Variants in EPHA7 observed in about 807,000 individuals in gnomAD.
The protein encoded by EPHA7 is EPH receptor A7, also known as ephrin type-A receptor 7.
Under a neutral mutation model 112.6 loss-of-function variants are expected in EPHA7, and 25 were observed. The observed-to-expected ratio is 0.22, with a 90% CI of 0.16 to 0.31. The LOEUF (loss-of-function observed/expected upper bound fraction) is 0.31. Among genes scored for constraint, EPHA7 ranks in the 10% least tolerant of loss-of-function variants. EPHA7 has a pLI of 1.00. For synonymous variants in EPHA7, 437 were observed against 406.5 expected (o/e 1.07, Z -0.90); for missense variants, 962 against 1,212.6 (o/e 0.79, Z 3.07).
At chr6:93,249,279 T>A (rs1770100085) in intron 14 of EPHA7, among the ~76,000 whole-genome samples, 1 of 152,190 alleles carries the variant, frequency 6.6e-6, no homozygotes, top group African/African-American at 2.4e-5. Flanking sequence ...ACAGGAGAAA[T>A]TATATTTTTT....
intron 5 of EPHA7, among the ~76,000 whole-genome samples, chr6:93,289,331 A>T (rs1026642244): frequency 1.1e-4 from 17 of 152,300 alleles, no homozygotes; most frequent in African/African-American, 4.1e-4. Context: ...TTTTTTGATA[A>T]TTTTTAATAT....
chr6:93,322,727 A>C (rs1337723354), intron 5 of EPHA7, among the ~76,000 whole-genome samples: 3 of 151,662 alleles, frequency 2.0e-5, no homozygotes, highest in Non-Finnish European at 4.4e-5. Context: ...CATTGTATCA[A>C]ATAGGGATTA....
At chr6:93,343,620 C>T (rs1027434751) in intron 5 of EPHA7, among the ~76,000 whole-genome samples, 15 of 151,648 alleles carry the variant, frequency 9.9e-5, no homozygotes, top group African/African-American at 3.6e-4. Context: ...CAGTTAGTAA[C>T]TTAATCCCAG....
rs1778906726 is a variant in EPHA7, at chr6:93,410,142, T to C, written c.832+359A>G. The C allele has an allele frequency of 5.2e-6, 1 of 192,382 alleles. No homozygotes were observed. The allele number at this position is 192,382 out of a possible 1,614,324, so 11.9% of individuals were successfully genotyped here. A position where few individuals can be genotyped will look rare whatever the true frequency, so the allele number is the denominator to read the frequency against. On this transcript the variant is annotated intron_variant, in intron 3 of 16. Transcript: ENST00000369303. The surrounding 1 kb of genome is among the most constrained non-coding windows in gnomAD (Gnocchi z 4.0). ...AATATGGGTTTAAAAACAGGAGGAA[T>C]GGCATCTCATTAAATCCTGTTAAAT...
intron 5 of EPHA7, among the ~76,000 whole-genome samples, chr6:93,311,204 C>T (rs973789859): frequency 8.3e-5 from 12 of 144,730 alleles, no homozygotes; most frequent in African/African-American, 2.8e-4. Context: ...CTGACATGAT[C>T]CAACAGCCTC....
intron 6 of EPHA7, 123 bp from the exon 7 acceptor site, chr6:93,269,783 G>GA (rs1462311674): frequency 2.5e-5 from 18 of 716,838 alleles, no homozygotes; most frequent in African/African-American, 7.5e-5. Flanking sequence ...GTACTTTGTG[G>GA]AATATTATAA....
At chr6:93,356,481 G>C (rs1223049143) in intron 5 of EPHA7, among the ~76,000 whole-genome samples, 1 of 152,074 alleles carries the variant, frequency 6.6e-6, no homozygotes, top group African/African-American at 2.4e-5. Context: ...GGGATTACAG[G>C]TGTGAGCCAC....
At chr6:93,364,400 T>C (rs1219564233) in intron 3 of EPHA7, among the ~76,000 whole-genome samples, 1 of 151,938 alleles carries the variant, frequency 6.6e-6, no homozygotes, top group Non-Finnish European at 1.5e-5. Context: ...GGCAGGCACC[T>C]GTAACCCCAG....
Position 93,241,310 on chromosome 6 carries a change from A to G in EPHA7, c.*2116T>C, listed in dbSNP as rs1769679153. The G allele has an allele frequency of 4.6e-6, 1 of 219,530 alleles. No homozygotes were observed. Among genetic ancestry groups the G allele is most frequent in the Non-Finnish European group, 9.2e-6 (1 of 109,120 alleles). The allele number at this position is 219,530 out of a possible 1,614,324, so 13.6% of individuals were successfully genotyped here. ...TAAGAACACTCACTCAAACTCTTTC[A>G]CTCATTCTCACAAAGGCCAATGCTA... On this transcript the variant is annotated 3_prime_UTR_variant, in exon 17 of 17. Transcript: ENST00000369303.
At chr6:93,296,175 G>A (rs1772653762) in intron 5 of EPHA7, among the ~76,000 whole-genome samples, 1 of 150,954 alleles carries the variant, frequency 6.6e-6, no homozygotes, top group South Asian at 2.1e-4. Context: ...AGGAACATTT[G>A]TTTCACTTTG....
chr6:93,346,122 T>C (rs1388503692), intron 5 of EPHA7, among the ~76,000 whole-genome samples: 1 of 151,630 alleles, frequency 6.6e-6, no homozygotes, highest in African/African-American at 2.4e-5. Context: ...TGCATAGGAA[T>C]TGGGATTGGG....
Position 93,366,039 on chromosome 6 carries a change from C to T in EPHA7, c.833-7628G>A, listed in dbSNP as rs1776491714. The stretch of plus-strand genomic sequence containing the variant: ...AACACATCTTTACTTAAATTTTCAG[C>T]TTAGAATATGTTAAGAATCTGGTTG... On this transcript the variant is annotated intron_variant, in intron 3 of 16. Transcript: ENST00000369303. Among the ~76,000 whole-genome samples, 5 of 152,112 alleles carry T rather than the reference C, an allele frequency of 3.3e-5. No homozygotes were observed. In the South Asian group the frequency reaches 8.3e-4, roughly 25 times the overall value.
chr6:93,321,226 C>T (rs1349765174), intron 5 of EPHA7, among the ~76,000 whole-genome samples: 1 of 151,908 alleles, frequency 6.6e-6, no homozygotes, highest in Admixed American at 6.6e-5. Context: ...ATCAAAACTT[C>T]CTGAGTGTGG....
chr6:93,243,721 C>A (rs1181928549), intron 16 of EPHA7, among the ~76,000 whole-genome samples, 181 bp from the exon 17 acceptor site: 1 of 152,096 alleles, frequency 6.6e-6, no homozygotes, highest in East Asian at 1.9e-4. Flanking sequence ...CATCAACATT[C>A]TCCTTTGTAA....
rs1008945001 is a variant in EPHA7, at chr6:93,330,900, A to C, written c.1324+25817T>G. Among the ~76,000 whole-genome samples, 7 of 151,466 alleles carry C rather than the reference A, an allele frequency of 4.6e-5. No homozygotes were observed. In the East Asian group the frequency reaches 1.2e-3, roughly 25 times the overall value. ...GCTGAGAAGGCATTTCAAAAGGTGT[A>C]AAGCATTTATTAACTCCTTACTCTA... is the stretch of plus-strand genomic sequence containing the variant. On this transcript the variant is annotated intron_variant, in intron 5 of 16. Coordinates refer to ENST00000369303, the MANE Select transcript of EPHA7 (RefSeq NM_004440.4).
At chr6:93,245,273 T>C in intron 16 of EPHA7, 25 bp downstream of exon 16, 1 of 1,596,888 alleles carries the variant, frequency 6.3e-7, no homozygotes, top group Non-Finnish European at 8.5e-7. Flanking sequence ...AATCCTTAAA[T>C]ACAATTTTAA....
At chr6:93,329,505 A>G (rs1774483699) in intron 5 of EPHA7, among the ~76,000 whole-genome samples, 2 of 151,360 alleles carry the variant, frequency 1.3e-5, no homozygotes, top group South Asian at 4.1e-4. Context: ...CTAATAAAGA[A>G]CATGAGTGCT....
chr6:93,295,858 T>TA (rs981751389), intron 5 of EPHA7, among the ~76,000 whole-genome samples: 2 of 151,902 alleles, frequency 1.3e-5, no homozygotes, highest in African/African-American at 4.8e-5. Flanking sequence ...CATGGCTTTA[T>TA]AATACATCCC....
At chr6:93,347,239 G>A (rs1163862790) in intron 5 of EPHA7, among the ~76,000 whole-genome samples, 1 of 151,780 alleles carries the variant, frequency 6.6e-6, no homozygotes, top group South Asian at 2.1e-4. Context: ...TTCAAAACTT[G>A]GGAACAAAAT....
Sources: allele counts gnomAD v4.1 joint callset (sites outside exome capture counted in the v4.1 genomes callset), GRCh38; gene constraint gnomAD v4.1.1; non-coding constraint Gnocchi (gnomAD v3.1); transcripts MANE v1.5; gene names NCBI Gene and HGNC (gene_info 2026-07-23, HGNC 2026-07-21).